The following LETM1 variants were observed in gnomAD, a reference collection of about 807,000 sequenced individuals.
LETM1 encodes the protein leucine zipper and EF-hand containing transmembrane protein 1.
Under a neutral mutation model 74.5 loss-of-function variants are expected in LETM1, and 50 were observed. That is an observed-to-expected ratio of 0.67 (90% CI 0.53 to 0.85). The LOEUF is 0.85. Ranked by LOEUF, LETM1 falls within the 40% of genes least tolerant of loss-of-function variation. The pLI, the probability that LETM1 is intolerant of heterozygous loss-of-function variation, is 0.00. For synonymous variants in LETM1, 446 were observed against 407.1 expected, an observed-to-expected ratio of 1.10 and a Z score of -1.15; for missense variants, 824 against 967.8, an observed-to-expected ratio of 0.85 and a Z score of 1.97.
intron 12 of LETM1, 120 bp from the exon 13 acceptor site, chr4:1,815,922 C>T (rs1711556771): frequency 4.2e-6 from 5 of 1,199,430 alleles, no homozygotes; most frequent in Non-Finnish European, 2.4e-6. Context: ...GTGAGCCAGG[C>T]AACCTCCAGC....
Position 1,814,445 on chromosome 4 carries a change from C to T in LETM1, c.2199G>A (p.Glu733=). 1.2e-6 allele frequency: 2 copies of T among 1,614,252 alleles called. No individual in the cohort carries two copies. The change falls in exon 14 of 14, where the codon GAG becomes GAA. Residue 733 remains glutamate, a synonymous_variant. Transcript: ENST00000302787. The part of the protein sequence containing the change: ...KEKAKEKAEK[E]VAEVKS ...GGTTCTAGCTCTTCACCTCTGCGAC[C>T]TCCTTCTCTGCCTTCTCTTTGGCCT...
intron 11 of LETM1, among the ~76,000 whole-genome samples, chr4:1,817,242 C>A (rs2108835127): frequency 1.9e-5 from 1 of 51,622 alleles, no homozygotes. Context: ...GAGACTCTGT[C>A]TCCAAAAAAA....
At chr4:1,820,087 C>A (rs147665757) in intron 10 of LETM1, among the ~76,000 whole-genome samples, 29 of 152,352 alleles carry the variant, frequency 1.9e-4, no homozygotes, top group African/African-American at 6.7e-4. Flanking sequence ...CAGGCACACA[C>A]TGACATATCT....
chr4:1,856,147 G>T lies in LETM1; in HGVS notation c.-197C>A. ...CCTTGTCCCGGCACAGACGTCCGGA[G>T]GCGCGGGGCGGGGCGGCCAGGCCGC... On this transcript the variant is annotated 5_prime_UTR_variant, in exon 1 of 14. Coordinates refer to ENST00000302787, the MANE Select transcript of LETM1 (RefSeq NM_012318.3). 1 of 327,158 alleles carries T rather than the reference G, an allele frequency of 3.1e-6. No individual in the cohort carries two copies. 20.3% of individuals were successfully genotyped at this position (327,158 alleles called of 1,614,324 possible).
intron 2 of LETM1, among the ~76,000 whole-genome samples, chr4:1,847,202 C>T (rs1712908863): frequency 6.6e-6 from 1 of 151,868 alleles, no homozygotes; most frequent in Admixed American, 6.6e-5. Context: ...TTTAGCAAGG[C>T]ATGTTGGTAA....
rs1385813785 is a variant in LETM1, at chr4:1,828,055, C to G, written c.1081-2372G>C. Among the ~76,000 whole-genome samples, 7 of 140,656 alleles carry G rather than the reference C, an allele frequency of 5.0e-5. 1 individual carries two copies. In the East Asian group the frequency reaches 1.3e-3, roughly 26 times the overall value. The allele number at this position is 140,656 out of a possible 152,430, so 92.3% of individuals were successfully genotyped here. A position where few individuals can be genotyped will look rare whatever the true frequency, so the allele number is the denominator to read the frequency against. ...TGGCCGGGCAGGGGGGCTGACCCCC[C>G]CCACCTCCCTCCCGGACGGGGCGGC... On this transcript the variant is annotated intron_variant, in intron 6 of 13. Coordinates refer to ENST00000302787, the MANE Select transcript of LETM1 (RefSeq NM_012318.3).
chr4:1,845,242 A>C (rs910345933), intron 2 of LETM1, among the ~76,000 whole-genome samples: 2 of 152,100 alleles, frequency 1.3e-5, no homozygotes, highest in African/African-American at 4.8e-5. Context: ...GATCTGGGCC[A>C]TTTCATCTGA....
intron 4 of LETM1, among the ~76,000 whole-genome samples, chr4:1,835,472 C>CAAACAAACAAACAA (rs1422829160): frequency 6.8e-6 from 1 of 147,826 alleles, no homozygotes; most frequent in Admixed American, 6.6e-5. Flanking sequence ...CAAAAACAAA[C>CAAACAAACAAACAA]AAACAAACAA....
intron 5 of LETM1, chr4:1,833,954 C>T (rs1014406279): frequency 1.3e-5 from 2 of 152,304 alleles, no homozygotes; most frequent in African/African-American, 4.8e-5. Context: ...GGCACGATGT[C>T]CTGGGTGAGG....
intron 1 of LETM1, among the ~76,000 whole-genome samples, chr4:1,850,937 CAAAAA>C (rs562023023): frequency 5.0e-5 from 4 of 80,108 alleles, no homozygotes; most frequent in Non-Finnish European, 8.3e-5. Flanking sequence ...CCATTGCACT[CAAAAA>C]AAAAAAAAAA....
chr4:1,815,238 G>A (rs116322730), intron 13 of LETM1, among the ~76,000 whole-genome samples: 100 of 152,288 alleles, frequency 6.6e-4, no homozygotes, highest in African/African-American at 2.1e-3. Context: ...GCCTTGGGGC[G>A]GTGCCCAAGC....
rs552033783 is a variant in LETM1, at chr4:1,834,777, G to A, written c.876+68C>T. ...GGAGCTCCACTCTGCTGAGCACAGC[G>A]AAAGGGAAACAGAAAATCAGGGAAG... On this transcript the variant is annotated intron_variant, in intron 5 of 13. Transcript: ENST00000302787. The surrounding 1 kb of genome is among the most constrained non-coding windows in gnomAD (Gnocchi z 5.0). 35 of 1,597,820 alleles carry A rather than the reference G, an allele frequency of 2.2e-5. No individual in the cohort carries two copies. Among genetic ancestry groups the A allele is most frequent in the Admixed American group, 8.4e-5 (5 of 59,270 alleles).
chr4:1,830,288 CTT>C (rs1302735784), intron 6 of LETM1, among the ~76,000 whole-genome samples: 1 of 152,144 alleles, frequency 6.6e-6, no homozygotes, highest in Admixed American at 6.5e-5. Flanking sequence ...CAGGTTTTGA[CTT>C]TAGATATTGT....
intron 2 of LETM1, chr4:1,842,870 C>G (rs1319759945): frequency 1.9e-5 from 4 of 205,222 alleles, no homozygotes; most frequent in Admixed American, 1.7e-4. Context: ...GCCACACCAC[C>G]ATTTACAGTC....
rs1244590233 is a variant in LETM1 at position 1,816,804 on chromosome 4, C to A, written c.1854G>T (p.Gln618His). The A allele has an allele frequency of 1.9e-6, 3 of 1,614,264 alleles. No homozygotes were observed. Among genetic ancestry groups the A allele is most frequent in the Non-Finnish European group, 2.5e-6 (3 of 1,180,048 alleles). Reference protein sequence around the residue: ...LTKRVQQMIGQIDGLISQLEM... With the variant: ...LTKRVQQMIGHIDGLISQLEM... ...CCAGCTGCGAGATCAAGCCATCGATCTGCCCGATCATTTGCTGCACCCTTT... is the reference window on the plus strand; with the variant it reads ...CCAGCTGCGAGATCAAGCCATCGATATGCCCGATCATTTGCTGCACCCTTT... Residue 618 changes from glutamine to histidine, a missense_variant, in exon 12 of 14, where the codon CAG (glutamine) becomes CAT (histidine). Transcript: ENST00000302787.
At position 1,834,336 on chromosome 4, in the gene LETM1, C is replaced by T. The variant is rs1249809726; in HGVS notation, c.876+509G>A. On this transcript the variant is annotated intron_variant, in intron 5 of 13. Transcript: ENST00000302787. The surrounding 1 kb of genome is among the most constrained non-coding windows in gnomAD (Gnocchi z 5.0). ...CATCTAGTCCTCAGGGATCTCGGTC[C>T]GTGGCAGCTGCCGTCTCCCCATCCT... 3.1e-6 allele frequency: 3 copies of T among 961,546 alleles called. No individual in the cohort carries two copies. The highest frequency in any genetic ancestry group is 1.8e-5 in the African/African-American group (1 of 56,880). 59.6% of individuals were successfully genotyped at this position (961,546 alleles called of 1,614,324 possible).
In LETM1 at chr4:1,836,304, C is replaced by T. The variant is rs1045242075; in HGVS notation, c.738+125G>A. On this transcript the variant is annotated intron_variant, in intron 4 of 13. Coordinates refer to ENST00000302787, the MANE Select transcript of LETM1 (RefSeq NM_012318.3). The surrounding 1 kb of genome is among the most constrained non-coding windows in gnomAD (Gnocchi z 5.8). ...TCCACTAAATAATTATTGCACAGCA[C>T]AAGGACAATATGAAGATACATAAAG... is the stretch of plus-strand genomic sequence containing the variant. The T allele has an allele frequency of 2.6e-5, 23 of 883,656 alleles. No individual in the cohort carries two copies. Among genetic ancestry groups the T allele is most frequent in the African/African-American group, 2.0e-4 (12 of 59,726 alleles). 54.7% of individuals were successfully genotyped at this position (883,656 alleles called of 1,614,324 possible). A position where few individuals can be genotyped will look rare whatever the true frequency, so the allele number is the denominator to read the frequency against.
chr4:1,848,508 A>G (rs977115648), intron 2 of LETM1, among the ~76,000 whole-genome samples: 2 of 150,178 alleles, frequency 1.3e-5, no homozygotes, highest in African/African-American at 4.9e-5. Context: ...ATATTGCGCC[A>G]CTGCACTCCA....
At chr4:1,830,629 T>C (rs111621266) in intron 6 of LETM1, among the ~76,000 whole-genome samples, 2 of 152,244 alleles carry the variant, frequency 1.3e-5, no homozygotes, top group African/African-American at 2.4e-5. Context: ...CCACTGTGCC[T>C]GGCCTTAGTA....
Sources: gnomAD v4.1 joint callset for allele counts (sites outside exome capture counted in the v4.1 genomes callset) on GRCh38, gnomAD v4.1.1 for gene constraint, Gnocchi (gnomAD v3.1) non-coding constraint, MANE v1.5 for transcripts, NCBI Gene and HGNC (gene_info 2026-07-23, HGNC 2026-07-21) for gene names.